The following COL14A1 variants were observed in gnomAD, a reference collection of about 807,000 sequenced individuals.
COL14A1 encodes the protein collagen alpha-1(XIV) chain.
A neutral mutation model predicts 230.3 loss-of-function variants in COL14A1; 136 were observed. The observed-to-expected ratio is 0.59, with a 90% CI of 0.51 to 0.68. The LOEUF is 0.68. Ranked by LOEUF, COL14A1 falls within the 30% of genes least tolerant of loss-of-function variation. The probability of loss-of-function intolerance (pLI) is 0.00; values close to 1 mark genes in which losing one functional copy is unlikely to be tolerated. For missense variants in COL14A1, 1,976 were observed against 2,215.8 expected (o/e 0.89, Z 2.17); for synonymous variants, 792 against 784.1 (o/e 1.01, Z -0.17).
chr8:120,196,926 G>A lies in COL14A1; in HGVS notation c.572G>A (p.Gly191Asp). The A allele has an allele frequency of 1.2e-6, 2 of 1,613,870 alleles. No individual in the cohort carries two copies. The highest frequency in any genetic ancestry group is 1.7e-6 in the Non-Finnish European group (2 of 1,179,900). ...LENLVTAFDV[G>D]SEKTRIGLAQ... ...AACCTGGTTACAGCATTCGATGTGGGCTCAGAGAAGACACGAATTGGTATA... is the reference window on the plus strand; with the variant it reads ...AACCTGGTTACAGCATTCGATGTGGACTCAGAGAAGACACGAATTGGTATA... The change falls in exon 6 of 48, where the codon GGC (glycine) becomes GAC (aspartate). Residue 191 changes from glycine to aspartate, a missense_variant. Coordinates refer to ENST00000297848, the MANE Select transcript of COL14A1 (RefSeq NM_021110.4).
At chr8:120,140,586 C>A (rs1002246403) in intron 1 of COL14A1, among the ~76,000 whole-genome samples, 1 of 152,008 alleles carries the variant, frequency 6.6e-6, no homozygotes, top group Non-Finnish European at 1.5e-5. Context: ...AAGTCACCAA[C>A]GATTGAATAC....
intron 40 of COL14A1, among the ~76,000 whole-genome samples, chr8:120,324,609 T>C (rs1821593591): frequency 6.6e-6 from 1 of 152,210 alleles, no homozygotes; most frequent in Non-Finnish European, 1.5e-5. Context: ...TCTCTAACCC[T>C]GACTGCTTGA....
intron 5 of COL14A1, among the ~76,000 whole-genome samples, chr8:120,179,569 G>A (rs1194004654): frequency 6.6e-6 from 1 of 152,172 alleles, no homozygotes; most frequent in African/African-American, 2.4e-5. Flanking sequence ...AACATTCCAT[G>A]CTCATGGATA....
chr8:120,198,510 G>T (rs545326688), intron 7 of COL14A1, among the ~76,000 whole-genome samples: 1 of 152,172 alleles, frequency 6.6e-6, no homozygotes, highest in African/African-American at 2.4e-5. Context: ...CTTGAGACAT[G>T]CTGCAAGCTG....
At chr8:120,320,418 C>T (rs887223112) in intron 40 of COL14A1, among the ~76,000 whole-genome samples, 23 of 152,146 alleles carry the variant, frequency 1.5e-4, no homozygotes, top group Non-Finnish European at 2.6e-4. Flanking sequence ...CTCACAAGGA[C>T]ACCAGAAGCA....
In COL14A1 at chr8:120,358,318, A is replaced by G. The variant is rs968227036; in HGVS notation, c.5078-8853A>G. Among the ~76,000 whole-genome samples, 4 of 152,130 alleles carry G rather than the reference A, an allele frequency of 2.6e-5. No homozygotes were observed. In the East Asian group the frequency reaches 7.7e-4, roughly 29 times the overall value. On this transcript the variant is annotated intron_variant, in intron 45 of 47. Transcript: ENST00000297848. ...TTTCTCTCTGTTCATCCTTTCTTAC[A>G]ATGAGGCTACATTGTCCCCCAAAAC...
chr8:120,177,613 C>T (rs1285380322), intron 5 of COL14A1, among the ~76,000 whole-genome samples: 4 of 139,154 alleles, frequency 2.9e-5, no homozygotes, highest in African/African-American at 5.5e-5. Flanking sequence ...CGTGCCACTG[C>T]ACTCCAGTCT....
At chr8:120,144,968 G>C (rs2130451236) in intron 1 of COL14A1, among the ~76,000 whole-genome samples, 1 of 151,986 alleles carries the variant, frequency 6.6e-6, no homozygotes, top group East Asian at 1.9e-4. Context: ...TCTTAACCCA[G>C]TAAATGAAAT....
At chr8:120,164,478 T>TTGCAAAAAC (rs1478076512) in intron 4 of COL14A1, among the ~76,000 whole-genome samples, 1 of 152,162 alleles carries the variant, frequency 6.6e-6, no homozygotes, top group Non-Finnish European at 1.5e-5. Flanking sequence ...GCAAAAGTAA[T>TTGCAAAAAC]TGCAGTTTTT....
chr8:120,189,837 G>A (rs1816760668), intron 5 of COL14A1, among the ~76,000 whole-genome samples: 1 of 152,048 alleles, frequency 6.6e-6, no homozygotes, highest in African/African-American at 2.4e-5. Context: ...TGGCTGTATA[G>A]TATTCCATGA....
intron 26 of COL14A1, among the ~76,000 whole-genome samples, chr8:120,277,241 C>T (rs1442185243): frequency 6.6e-6 from 1 of 152,100 alleles, no homozygotes; most frequent in Non-Finnish European, 1.5e-5. Flanking sequence ...TTGTCTTTTG[C>T]AGCTCAGTTT....
chr8:120,308,641 TA>T (rs1283164588), intron 36 of COL14A1, among the ~76,000 whole-genome samples: 1 of 152,236 alleles, frequency 6.6e-6, no homozygotes, highest in Non-Finnish European at 1.5e-5. Flanking sequence ...AGAGTGCATG[TA>T]AATGGTTTTT....
intron 12 of COL14A1, 49 bp from the exon 13 acceptor site, chr8:120,212,399 A>G (rs371553348): frequency 6.2e-7 from 1 of 1,600,566 alleles, no homozygotes; most frequent in Non-Finnish European, 8.5e-7. Context: ...TCTGATCAGC[A>G]TGAATAATAT....
chr8:120,241,902 C>T (rs1586796863), intron 19 of COL14A1, among the ~76,000 whole-genome samples: 1 of 152,162 alleles, frequency 6.6e-6, no homozygotes, highest in South Asian at 2.1e-4. Context: ...AAGTGAATTA[C>T]AGATTGAGAA....
intron 23 of COL14A1, among the ~76,000 whole-genome samples, chr8:120,260,850 T>C (rs1459513834): frequency 6.6e-6 from 1 of 152,200 alleles, no homozygotes; most frequent in African/African-American, 2.4e-5. Context: ...ACTCAACAGC[T>C]CTCAGATGGT....
intron 1 of COL14A1, among the ~76,000 whole-genome samples, chr8:120,131,838 C>CTTTT (rs1172286717): frequency 2.3e-4 from 16 of 68,948 alleles, no homozygotes; most frequent in African/African-American, 4.0e-4. Context: ...TTCTTCCTTT[C>CTTTT]TTTTTTTTTT....
At chr8:120,193,139 C>T (rs1283383304) in intron 5 of COL14A1, among the ~76,000 whole-genome samples, 2 of 152,186 alleles carry the variant, frequency 1.3e-5, no homozygotes, top group African/African-American at 2.4e-5. Flanking sequence ...TTAGAGTTTC[C>T]AGTTTTTCTG....
chr8:120,154,514 C>T (rs1815397240), intron 2 of COL14A1, among the ~76,000 whole-genome samples: 2 of 152,148 alleles, frequency 1.3e-5, no homozygotes, highest in Non-Finnish European at 2.9e-5. Flanking sequence ...GTAGCCGCTC[C>T]TCAGTCTTCC....
At chr8:120,247,586 C>A (rs368651440) in intron 20 of COL14A1, 27 bp from the exon 21 acceptor site, 149 of 1,601,022 alleles carry the variant, frequency 9.3e-5, no homozygotes, top group Non-Finnish European at 1.2e-4. Context: ...CACTGAATCC[C>A]TGTTTTTCCT....
Sources: gnomAD v4.1 joint callset for allele counts (sites outside exome capture counted in the v4.1 genomes callset) on GRCh38, gnomAD v4.1.1 for gene constraint, MANE v1.5 for transcripts, NCBI Gene and HGNC (gene_info 2026-07-23, HGNC 2026-07-21) for gene names.